The following MYT1L variants were observed in gnomAD, a reference collection of about 807,000 sequenced individuals.
MYT1L encodes the protein myelin transcription factor 1 like.
Under a neutral mutation model 126.7 loss-of-function variants are expected in MYT1L, and 12 were observed. The ratio of observed to expected loss-of-function variants is 0.09; its 90% CI spans 0.06 to 0.15. The LOEUF is 0.15. Ranked by LOEUF, MYT1L falls within the 10% of genes least tolerant of loss-of-function variation. The probability of loss-of-function intolerance (pLI) is 1.00; values close to 1 mark genes in which losing one functional copy is unlikely to be tolerated. For synonymous variants in MYT1L, 541 were observed against 604.2 expected, an observed-to-expected ratio of 0.90 and a Z score of 1.53; for missense variants, 979 against 1,585.2, an observed-to-expected ratio of 0.62 and a Z score of 6.49.
chr2:2,131,667 G>C (rs1224614315), intron 3 of MYT1L, among the ~76,000 whole-genome samples: 1 of 152,080 alleles, frequency 6.6e-6, no homozygotes, highest in Non-Finnish European at 1.5e-5. Flanking sequence ...ATGACAAGCT[G>C]TCCCATGGAA....
rs944573543 is a variant in MYT1L, at chr2:2,296,581, CTAA to C, written c.-520-12081_-520-12079del. Among the ~76,000 whole-genome samples, 28 of 152,156 alleles carry C rather than the reference CTAA, an allele frequency of 1.8e-4. 1 individual carries two copies. The highest frequency in any genetic ancestry group is 6.5e-4 in the African/African-American group (27 of 41,506). On this transcript the variant is annotated intron_variant, in intron 1 of 24. Transcript: ENST00000647738. ...GTTTTTTTCTAGAAATGCTGTCTGG[CTAA>C]TGTCATTAACTCCAGGAGAAGAGAG...
At chr2:2,310,212 C>T (rs1436638541) in intron 1 of MYT1L, among the ~76,000 whole-genome samples, 1 of 151,400 alleles carries the variant, frequency 6.6e-6, no homozygotes, top group African/African-American at 2.4e-5. Flanking sequence ...GTATACTGTA[C>T]CCATACTCCA....
chr2:2,053,919 T>C (rs2069150815), intron 4 of MYT1L, 59 bp downstream of exon 4: 2 of 152,698 alleles, frequency 1.3e-5, no homozygotes, highest in East Asian at 1.9e-4. Context: ...AAGGTAAATA[T>C]GCAAAACACC....
chr2:1,989,835 C>T (rs11127293), intron 5 of MYT1L, among the ~76,000 whole-genome samples: 77,330 of 151,610 alleles, frequency 0.51, 19,772 homozygotes, highest in East Asian at 0.59. Context: ...CCGTCTCTAC[C>T]AAAAATACAA....
chr2:2,287,423 G>A (rs922336438), intron 1 of MYT1L, among the ~76,000 whole-genome samples: 1 of 152,112 alleles, frequency 6.6e-6, no homozygotes, highest in African/African-American at 2.4e-5. Flanking sequence ...CCAGCATCCT[G>A]GTGCAAAATT....
chr2:2,161,427 A>T (rs181487167), intron 3 of MYT1L, among the ~76,000 whole-genome samples: 6 of 152,320 alleles, frequency 3.9e-5, no homozygotes, highest in Non-Finnish European at 8.8e-5. Context: ...CTTCAGAGTG[A>T]CCCGTGCCTG....
At chr2:1,883,841 T>G (rs1214448984) in intron 18 of MYT1L, 1 of 152,232 alleles carries the variant, frequency 6.6e-6, no homozygotes, top group East Asian at 1.9e-4. Flanking sequence ...CCAGATGGGC[T>G]AGGGAGCAAA....
At chr2:1,880,379 A>G (rs6707918) in intron 18 of MYT1L, among the ~76,000 whole-genome samples, 143,167 of 152,144 alleles carry the variant, frequency 0.94, 67,484 homozygotes, top group East Asian at 1. Context: ...ACTCTGTCAC[A>G]CAGGCTGGAG....
chr2:2,302,911 G>A (rs1275244629), intron 1 of MYT1L, among the ~76,000 whole-genome samples: 1 of 152,126 alleles, frequency 6.6e-6, no homozygotes, highest in African/African-American at 2.4e-5. Flanking sequence ...ATTTGTGAAT[G>A]ATGTTTGATC....
At chr2:1,971,555 A>AC (rs1436701073) in intron 8 of MYT1L, among the ~76,000 whole-genome samples, 1 of 152,044 alleles carries the variant, frequency 6.6e-6, no homozygotes, top group Non-Finnish European at 1.5e-5. Flanking sequence ...ACATGGTGAA[A>AC]CCCCATCTCT....
At chr2:2,203,649 T>G (rs1239371773) in intron 2 of MYT1L, among the ~76,000 whole-genome samples, 2 of 151,922 alleles carry the variant, frequency 1.3e-5, no homozygotes, top group African/African-American at 4.8e-5. Flanking sequence ...TGCTCATGGA[T>G]AGGAAGAATC....
chr2:2,013,333 A>G (rs2064028851), intron 4 of MYT1L, among the ~76,000 whole-genome samples: 1 of 152,048 alleles, frequency 6.6e-6, no homozygotes, highest in Non-Finnish European at 1.5e-5. Flanking sequence ...TGTGCCCTTC[A>G]GCTCCAGGCC....
At chr2:2,096,971 C>T (rs888391380) in intron 3 of MYT1L, among the ~76,000 whole-genome samples, 4 of 152,252 alleles carry the variant, frequency 2.6e-5, no homozygotes, top group African/African-American at 4.8e-5. Context: ...GCTCCTCTCA[C>T]GCCAGCGGCG....
chr2:2,179,931 T>C (rs2091228657), intron 2 of MYT1L, among the ~76,000 whole-genome samples: 2 of 152,248 alleles, frequency 1.3e-5, no homozygotes, highest in Admixed American at 1.3e-4. Context: ...CAAAGACTTT[T>C]AGATCATTCT....
At chr2:2,129,198 A>G (rs1270338442) in intron 3 of MYT1L, among the ~76,000 whole-genome samples, 2 of 152,174 alleles carry the variant, frequency 1.3e-5, no homozygotes, top group Non-Finnish European at 2.9e-5. Flanking sequence ...GGTGGTCGGG[A>G]AGAAGTTACA....
chr2:1,913,545 G>C (rs752000166), intron 11 of MYT1L, among the ~76,000 whole-genome samples: 23 of 152,092 alleles, frequency 1.5e-4, no homozygotes, highest in African/African-American at 5.3e-4. Flanking sequence ...GCAGGATGTC[G>C]ATCTACCTAC....
chr2:1,897,181 T>C (rs1407875480), intron 14 of MYT1L, among the ~76,000 whole-genome samples: 1 of 152,224 alleles, frequency 6.6e-6, no homozygotes, highest in Non-Finnish European at 1.5e-5. Context: ...TAAGAGGGCC[T>C]ACAGTTAAAA....
At chr2:2,240,497 C>T (rs1201257801) in intron 2 of MYT1L, among the ~76,000 whole-genome samples, 2 of 152,150 alleles carry the variant, frequency 1.3e-5, no homozygotes, top group African/African-American at 4.8e-5. Flanking sequence ...GGATCATTAT[C>T]TACTCTTTGT....
intron 3 of MYT1L, among the ~76,000 whole-genome samples, chr2:2,064,650 T>C (rs943431293): frequency 1.3e-5 from 2 of 152,198 alleles, no homozygotes; most frequent in South Asian, 2.1e-4. Flanking sequence ...ATATAAGTTA[T>C]TGACAATCTT....
Sources: allele counts gnomAD v4.1 joint callset (sites outside exome capture counted in the v4.1 genomes callset), GRCh38; gene constraint gnomAD v4.1.1; transcripts MANE v1.5; gene names NCBI Gene and HGNC (gene_info 2026-07-23, HGNC 2026-07-21).